Variants in MYO6 observed in about 807,000 individuals in gnomAD.
MYO6 encodes the protein myosin VI.
MYO6 carries 74 observed loss-of-function variants against 178.7 expected under a neutral mutation model. The ratio of observed to expected loss-of-function variants is 0.41; its 90% CI spans 0.34 to 0.50. The LOEUF is 0.50. Among genes scored for constraint, MYO6 ranks in the 20% least tolerant of loss-of-function variants. MYO6 has a pLI of 0.09. For synonymous variants in MYO6, 477 were observed against 504.6 expected, an observed-to-expected ratio of 0.95 and a Z score of 0.73; for missense variants, 1,330 against 1,547.4, an observed-to-expected ratio of 0.86 and a Z score of 2.36.
intron 11 of MYO6, among the ~76,000 whole-genome samples, chr6:75,851,732 C>T (rs1193250289): frequency 6.6e-6 from 1 of 151,990 alleles, no homozygotes; most frequent in East Asian, 1.9e-4. Flanking sequence ...GTAGTCCCAG[C>T]TACTTGGAAG....
rs926017194 is a variant in MYO6 at position 75,913,952 on chromosome 6, T to C, written c.3440-111T>C. ...TATTTTCATTTTGTTTTAAATTTAC[T>C]ATTAGGGACCTTTCTTCTTTTTAAA... On this transcript the variant is annotated intron_variant, in intron 33 of 34. Transcript: ENST00000369977. 6 of 820,486 alleles carry C rather than the reference T, an allele frequency of 7.3e-6. No homozygotes were observed. In the African/African-American group the frequency reaches 8.7e-5, roughly 12 times the overall value. The allele number at this position is 820,486 out of a possible 1,614,324, so 50.8% of individuals were successfully genotyped here.
At chr6:75,788,245 T>C (rs969932653) in intron 1 of MYO6, among the ~76,000 whole-genome samples, 2 of 151,424 alleles carry the variant, frequency 1.3e-5, no homozygotes, top group Non-Finnish European at 1.5e-5. Context: ...GTGCTTGTGG[T>C]CCCAGCTACT....
intron 30 of MYO6, among the ~76,000 whole-genome samples, chr6:75,903,564 G>C (rs545638563): frequency 3.3e-5 from 5 of 151,262 alleles, no homozygotes; most frequent in Admixed American, 6.6e-5. Flanking sequence ...CCTTTTTTTT[G>C]TTTTCCATTT....
intron 1 of MYO6, among the ~76,000 whole-genome samples, chr6:75,762,089 G>A (rs1304234035): frequency 2.0e-5 from 3 of 151,970 alleles, no homozygotes; most frequent in Non-Finnish European, 2.9e-5. Context: ...CAGCCACCAC[G>A]CCCAGCTAAT....
At chr6:75,889,970 T>G (rs894348918) in intron 25 of MYO6, 87 bp from the exon 26 acceptor site, 12 of 982,150 alleles carry the variant, frequency 1.2e-5, no homozygotes, top group African/African-American at 3.3e-5. Flanking sequence ...TTTTTCAGTT[T>G]ATAATTCAGT....
chr6:75,828,661 A>G (rs1399396698), intron 4 of MYO6, 48 bp downstream of exon 4: 3 of 1,137,566 alleles, frequency 2.6e-6, no homozygotes, highest in African/African-American at 1.5e-5. Context: ...TAATTATTTC[A>G]TGTGGTACTC....
intron 18 of MYO6, 42 bp downstream of exon 18, chr6:75,867,147 G>A (rs1776768951): frequency 1.4e-6 from 2 of 1,439,268 alleles, no homozygotes; most frequent in East Asian, 2.5e-5. Flanking sequence ...TATTTAAAAT[G>A]AAATTATTGT....
At chr6:75,890,320 G>A (rs1778805975) in intron 26 of MYO6, 55 bp downstream of exon 26, 1 of 1,605,682 alleles carries the variant, frequency 6.2e-7, no homozygotes, top group Non-Finnish European at 8.5e-7. Context: ...TGAATTCTTG[G>A]TATTGACAGT....
chr6:75,846,673 T>C (rs1330297357), intron 10 of MYO6, among the ~76,000 whole-genome samples: 2 of 152,118 alleles, frequency 1.3e-5, no homozygotes, highest in Non-Finnish European at 2.9e-5. Context: ...ATAGTAGCTA[T>C]ATTCCTTTCA....
chr6:75,801,538 T>C (rs1271962327), intron 1 of MYO6, among the ~76,000 whole-genome samples: 1 of 152,116 alleles, frequency 6.6e-6, no homozygotes, highest in African/African-American at 2.4e-5. Flanking sequence ...TTTTTTTTTT[T>C]ATGAGAAAAC....
intron 6 of MYO6, among the ~76,000 whole-genome samples, chr6:75,833,882 G>A (rs750923156): frequency 1.3e-5 from 2 of 152,158 alleles, no homozygotes; most frequent in Non-Finnish European, 1.5e-5. Context: ...GACATAGTTT[G>A]GAATGGTGGG....
At chr6:75,762,509 A>G (rs1233403320) in intron 1 of MYO6, among the ~76,000 whole-genome samples, 1 of 152,220 alleles carries the variant, frequency 6.6e-6, no homozygotes, top group Non-Finnish European at 1.5e-5. Context: ...TTAAACACTC[A>G]GAGCTTTGAA....
At chr6:75,816,784 A>G (rs189248243) in intron 1 of MYO6, among the ~76,000 whole-genome samples, 11 of 152,296 alleles carry the variant, frequency 7.2e-5, no homozygotes, top group Non-Finnish European at 1.2e-4. Context: ...CTACCTCCCC[A>G]CAATAATATC....
chr6:75,867,604 T>G (rs931294728), intron 18 of MYO6: 1 of 154,866 alleles, frequency 6.5e-6, no homozygotes, highest in African/African-American at 2.4e-5. Context: ...AATGATTCAG[T>G]TTGTAATTCA....
intron 11 of MYO6, among the ~76,000 whole-genome samples, chr6:75,853,331 A>G (rs1775448274): frequency 6.6e-6 from 1 of 152,066 alleles, no homozygotes; most frequent in Non-Finnish European, 1.5e-5. Context: ...TCAAATTTTT[A>G]TTTCAGTGAA....
chr6:75,871,212 T>G (rs774631833), intron 19 of MYO6, among the ~76,000 whole-genome samples: 1 of 152,164 alleles, frequency 6.6e-6, no homozygotes, highest in African/African-American at 2.4e-5. Context: ...GATTCCAAAG[T>G]AAGACTTATT....
At chr6:75,798,037 G>T (rs972219098) in intron 1 of MYO6, among the ~76,000 whole-genome samples, 30 of 152,232 alleles carry the variant, frequency 2.0e-4, no homozygotes, top group African/African-American at 7.2e-4. Context: ...TTTGGGGACG[G>T]AGCCAAAAAT....
intron 1 of MYO6, among the ~76,000 whole-genome samples, chr6:75,775,410 C>T (rs541049473): frequency 4.5e-4 from 69 of 152,330 alleles, no homozygotes; most frequent in Admixed American, 1.6e-3. Context: ...TGGCCCTTGT[C>T]TCTGGATGCT....
At chr6:75,808,058 A>G (rs1412683227) in intron 1 of MYO6, among the ~76,000 whole-genome samples, 1 of 152,102 alleles carries the variant, frequency 6.6e-6, no homozygotes, top group African/African-American at 2.4e-5. Flanking sequence ...CATTTCTATT[A>G]TTATGTTGTT....
Sources: allele counts gnomAD v4.1 joint callset (sites outside exome capture counted in the v4.1 genomes callset), GRCh38; gene constraint gnomAD v4.1.1; transcripts MANE v1.5; gene names NCBI Gene and HGNC (gene_info 2026-07-23, HGNC 2026-07-21).